HTR4: variants seen among roughly 807,000 people sequenced by gnomAD.
HTR4 encodes the protein 5-hydroxytryptamine (serotonin) receptor 4, G protein-coupled.
Under a neutral mutation model 36.8 loss-of-function variants are expected in HTR4, and 16 were observed. The observed-to-expected ratio is 0.43, with a 90% CI of 0.29 to 0.66. The LOEUF (loss-of-function observed/expected upper bound fraction) is 0.66. HTR4 is among the 30% of genes least tolerant of loss of function. The probability of loss-of-function intolerance (pLI) is 0.13; values close to 1 mark genes in which losing one functional copy is unlikely to be tolerated. For synonymous variants in HTR4, 189 were observed against 185.1 expected (o/e 1.02, Z -0.17); for missense variants, 438 against 490.9 (o/e 0.89, Z 1.02).
intron 2 of HTR4, among the ~76,000 whole-genome samples, chr5:148,593,302 T>C (rs1761644425): frequency 6.6e-6 from 1 of 152,202 alleles, no homozygotes; most frequent in Admixed American, 6.5e-5. Context: ...TTCATGATAT[T>C]TTCTTGGCTT....
At position 148,634,215 on chromosome 5, in the gene HTR4, T is replaced by C. The variant is rs112885156; in HGVS notation, c.26+2774A>G. ...AGTCTAAAGCCTTCTCTGAGATTTC[T>C]GAAATCTCTCTAGGGCATTTGCAGT... On this transcript the variant is annotated intron_variant, in intron 2 of 6. Coordinates refer to ENST00000377888, the MANE Select transcript of HTR4 (RefSeq NM_000870.7). Among the ~76,000 whole-genome samples, 206 of 152,318 alleles carry C rather than the reference T, an allele frequency of 1.4e-3. 2 individuals are homozygous for C. In the Middle Eastern group the frequency reaches 0.017, roughly 13 times the overall value.
intron 5 of HTR4, among the ~76,000 whole-genome samples, chr5:148,519,763 A>G (rs757094205): frequency 2.6e-5 from 4 of 152,178 alleles, no homozygotes; most frequent in Non-Finnish European, 5.9e-5. Flanking sequence ...TCACTTCAAC[A>G]AGTGTCCTTT....
Position 148,589,082 on chromosome 5 carries a change from C to T in HTR4, c.27-38820G>A, listed in dbSNP as rs541122125. 5.3e-5 allele frequency among the ~76,000 whole-genome samples: 8 copies of T among 152,152 alleles called. 1 individual carries two copies. In the South Asian group the frequency reaches 1.7e-3, roughly 32 times the overall value. On this transcript the variant is annotated intron_variant, in intron 2 of 6. Transcript: ENST00000377888. ...CTCCACTATATGAATAACCCACAAT[C>T]TATTTTTTTCTCCTATAAGAGATAG... is the stretch of plus-strand genomic sequence containing the variant.
chr5:148,498,634 T>C (rs1257111752), intron 6 of HTR4, among the ~76,000 whole-genome samples: 2 of 152,100 alleles, frequency 1.3e-5, no homozygotes. Flanking sequence ...ATGAATGTCA[T>C]GAGAAATAGT....
At chr5:148,585,527 AG>A (rs1470287588) in intron 2 of HTR4, among the ~76,000 whole-genome samples, 3 of 152,208 alleles carry the variant, frequency 2.0e-5, no homozygotes, top group Non-Finnish European at 4.4e-5. Context: ...CATTGAAGTA[AG>A]ATTCCTGTTC....
intron 4 of HTR4, among the ~76,000 whole-genome samples, chr5:148,526,557 A>G (rs943129871): frequency 6.6e-6 from 1 of 152,178 alleles, no homozygotes; most frequent in Non-Finnish European, 1.5e-5. Flanking sequence ...AAAAGTTCAA[A>G]AACACAAGGC....
chr5:148,546,721 C>A (rs1469787451), intron 4 of HTR4, among the ~76,000 whole-genome samples: 2 of 152,208 alleles, frequency 1.3e-5, no homozygotes, highest in Non-Finnish European at 2.9e-5. Flanking sequence ...CCTATCACCC[C>A]TGCCTGGTCT....
chr5:148,594,397 A>G (rs916428758), intron 2 of HTR4, among the ~76,000 whole-genome samples: 22 of 151,824 alleles, frequency 1.4e-4, no homozygotes, highest in East Asian at 7.7e-4. Context: ...CCTAATTGAC[A>G]TTACAGTAAG....
intron 6 of HTR4, among the ~76,000 whole-genome samples, chr5:148,508,244 G>C (rs769920568): frequency 3.9e-5 from 6 of 152,072 alleles, no homozygotes; most frequent in Non-Finnish European, 8.8e-5. Flanking sequence ...TTCAAAGAAG[G>C]AACTACTCCT....
At chr5:148,510,363 G>A (rs1247163822) in intron 5 of HTR4, among the ~76,000 whole-genome samples, 1 of 152,194 alleles carries the variant, frequency 6.6e-6, no homozygotes, top group African/African-American at 2.4e-5. Flanking sequence ...CTCCAGGACA[G>A]AAGAGAAATA....
chr5:148,584,613 C>A (rs1761278873), intron 2 of HTR4, among the ~76,000 whole-genome samples: 1 of 152,164 alleles, frequency 6.6e-6, no homozygotes, highest in Non-Finnish European at 1.5e-5. Flanking sequence ...TAGCCATTCT[C>A]TCCTACTTCC....
At chr5:148,536,143 C>T (rs1467651571) in intron 4 of HTR4, among the ~76,000 whole-genome samples, 2 of 151,936 alleles carry the variant, frequency 1.3e-5, no homozygotes, top group East Asian at 3.9e-4. Flanking sequence ...ACTAAGCTTC[C>T]TAAGTGAAGG....
Position 148,509,293 on chromosome 5 carries a change from T to C in HTR4, c.1076+163A>G, listed in dbSNP as rs529883849. 47 of 576,266 alleles carry C rather than the reference T, an allele frequency of 8.2e-5. No individual in the cohort carries two copies. The South Asian group carries it at 1.2e-3, about 14-fold the overall frequency. The allele number at this position is 576,266 out of a possible 1,614,324, so 35.7% of individuals were successfully genotyped here. A position where few individuals can be genotyped will look rare whatever the true frequency, so the allele number is the denominator to read the frequency against. On this transcript the variant is annotated intron_variant, in intron 6 of 6. Transcript: ENST00000377888. ...AATCTCCCTCCAGAGCCTGAGTTCTTAACCATTGCTGTATTCCATGACCAG... is the reference window on the plus strand; with the variant it reads ...AATCTCCCTCCAGAGCCTGAGTTCTCAACCATTGCTGTATTCCATGACCAG...
chr5:148,573,305 C>T (rs1323330550), intron 2 of HTR4, among the ~76,000 whole-genome samples: 2 of 152,010 alleles, frequency 1.3e-5, no homozygotes, highest in Non-Finnish European at 1.5e-5. Flanking sequence ...TTAGATTATA[C>T]TCTGGGAACA....
At chr5:148,483,578 C>A (rs1755995252) in intron 6 of HTR4, among the ~76,000 whole-genome samples, 1 of 152,164 alleles carries the variant, frequency 6.6e-6, no homozygotes, top group African/African-American at 2.4e-5. Context: ...TGCCCTCTAC[C>A]GATTATATCC....
intron 6 of HTR4, chr5:148,490,543 T>C (rs1372921757): frequency 8.0e-6 from 9 of 1,118,512 alleles, no homozygotes; most frequent in African/African-American, 1.7e-5. Flanking sequence ...CTTATGATTT[T>C]GTAACTCACA....
intron 6 of HTR4, among the ~76,000 whole-genome samples, chr5:148,507,287 C>T (rs967524535): frequency 1.7e-4 from 25 of 148,272 alleles, no homozygotes; most frequent in South Asian, 6.4e-4. Context: ...AAAAACCAAA[C>T]GCCGCATATT....
chr5:148,456,886 T>C (rs1362769597), intron 5 of HTR4, among the ~76,000 whole-genome samples: 1 of 152,212 alleles, frequency 6.6e-6, no homozygotes, highest in Non-Finnish European at 1.5e-5. Flanking sequence ...AGTATTGCTC[T>C]TATCTGATGA....
chr5:148,476,893 T>C (rs756051725), downstream of HTR4: 2 of 1,258,068 alleles, frequency 1.6e-6, no homozygotes, highest in Non-Finnish European at 2.2e-6. Flanking sequence ...AGACTTCAGG[T>C]AGGAGGTGGT....
Sources: gnomAD v4.1 joint callset for allele counts (sites outside exome capture counted in the v4.1 genomes callset) on GRCh38, gnomAD v4.1.1 for gene constraint, MANE v1.5 for transcripts, NCBI Gene and HGNC (gene_info 2026-07-23, HGNC 2026-07-21) for gene names.